Variants in EYS observed in about 807,000 individuals in gnomAD.
EYS encodes protein eyes shut homolog.
A neutral mutation model predicts 282.1 loss-of-function variants in EYS; 250 were observed. The observed-to-expected ratio is 0.89, with a 90% CI of 0.80 to 0.98. The LOEUF is 0.98. Ranked by LOEUF, EYS falls within the 50% of genes least tolerant of loss-of-function variation. The probability of loss-of-function intolerance (pLI) is 0.00; values close to 1 mark genes in which losing one functional copy is unlikely to be tolerated. For missense variants in EYS, 4,016 were observed against 3,709.0 expected, an observed-to-expected ratio of 1.08 and a Z score of -2.15; for synonymous variants, 1,355 against 1,282.9, an observed-to-expected ratio of 1.06 and a Z score of -1.20.
chr6:64,428,495 G>T (rs1245175343), intron 28 of EYS, among the ~76,000 whole-genome samples: 1 of 151,990 alleles, frequency 6.6e-6, no homozygotes, highest in South Asian at 2.1e-4. Flanking sequence ...CTCTTATCAG[G>T]TTAGAGTAAA....
chr6:65,266,896 A>AT (rs1026599320), intron 12 of EYS, among the ~76,000 whole-genome samples: 50 of 149,926 alleles, frequency 3.3e-4, no homozygotes, highest in Admixed American at 1.5e-3. Context: ...GCATATATAT[A>AT]TATATATATA....
At chr6:64,343,107 G>A (rs921341436) in intron 29 of EYS, among the ~76,000 whole-genome samples, 15 of 151,986 alleles carry the variant, frequency 9.9e-5, no homozygotes, top group African/African-American at 3.4e-4. Context: ...AATAATAATG[G>A]GAGACTTTAA....
intron 13 of EYS, among the ~76,000 whole-genome samples, chr6:65,027,157 A>G: frequency 6.6e-6 from 1 of 152,108 alleles, no homozygotes; most frequent in East Asian, 1.9e-4. Flanking sequence ...TTTACCCCAA[A>G]GAGTATGATG....
At chr6:65,624,264 C>T (rs1369980252) in intron 2 of EYS, among the ~76,000 whole-genome samples, 1 of 152,216 alleles carries the variant, frequency 6.6e-6, no homozygotes, top group Admixed American at 6.5e-5. Flanking sequence ...TTTAAAATGA[C>T]TTAGTATTGG....
chr6:64,221,061 G>C (rs905210443), intron 31 of EYS, among the ~76,000 whole-genome samples: 1 of 152,108 alleles, frequency 6.6e-6, no homozygotes. Flanking sequence ...ATTATCACTT[G>C]ATTCACAGAA....
intron 12 of EYS, among the ~76,000 whole-genome samples, chr6:65,084,566 G>A (rs760594002): frequency 3.9e-5 from 6 of 152,048 alleles, no homozygotes; most frequent in Non-Finnish European, 1.5e-5. Flanking sequence ...CTTCTTCACT[G>A]TCGTGTATCC....
intron 24 of EYS, among the ~76,000 whole-genome samples, chr6:64,598,005 T>G (rs1766641760): frequency 1.3e-5 from 2 of 152,178 alleles, no homozygotes; most frequent in Non-Finnish European, 2.9e-5. Flanking sequence ...CATAAATATG[T>G]ACAATTAATA....
At chr6:64,214,452 T>A (rs1338907715) in intron 31 of EYS, among the ~76,000 whole-genome samples, 1 of 152,102 alleles carries the variant, frequency 6.6e-6, no homozygotes, top group Non-Finnish European at 1.5e-5. Flanking sequence ...ATTTCATTAA[T>A]GGTTTTGTGG....
chr6:64,753,515 A>AG (rs1209498310), intron 22 of EYS, among the ~76,000 whole-genome samples: 2 of 150,964 alleles, frequency 1.3e-5, no homozygotes, highest in Non-Finnish European at 3.0e-5. Context: ...AAAAAAAAAA[A>AG]GACAAAAGAG....
chr6:64,036,266 T>C (rs1048989626), intron 33 of EYS, among the ~76,000 whole-genome samples: 1 of 151,966 alleles, frequency 6.6e-6, no homozygotes. Flanking sequence ...TTAAGGGTGA[T>C]GGAGTTTGGG....
Position 65,622,156 on chromosome 6 carries a change from C to G in EYS, c.-333+17622G>C, listed in dbSNP as rs376261675. On this transcript the variant is annotated intron_variant, in intron 2 of 42. Coordinates refer to ENST00000503581, the MANE Select transcript of EYS (RefSeq NM_001142800.2). ...TCGTTTGTCCTTCTCAGCTGATTCT[C>G]TCTGGGGCTCACTCTTCTCCCCAGT... Among the ~76,000 whole-genome samples, 247 of 152,266 alleles carry G rather than the reference C, an allele frequency of 1.6e-3. 1 individual carries two copies. Among genetic ancestry groups the G allele is most frequent in the African/African-American group, 5.7e-3 (236 of 41,562 alleles).
At chr6:63,989,805 T>C (rs971691038) in intron 34 of EYS, among the ~76,000 whole-genome samples, 1 of 151,502 alleles carries the variant, frequency 6.6e-6, no homozygotes, top group African/African-American at 2.4e-5. Context: ...AGAATAAATG[T>C]TATATTATTA....
At chr6:64,280,455 C>T (rs1040279194) in intron 30 of EYS, among the ~76,000 whole-genome samples, 1 of 151,946 alleles carries the variant, frequency 6.6e-6, no homozygotes, top group Non-Finnish European at 1.5e-5. Flanking sequence ...TGCTTAAGGC[C>T]GTTTGAGTCA....
intron 42 of EYS, among the ~76,000 whole-genome samples, chr6:63,722,132 C>T (rs1331225460): frequency 1.3e-5 from 2 of 152,162 alleles, no homozygotes; most frequent in Non-Finnish European, 2.9e-5. Context: ...TATTGTCAGG[C>T]TAGGTACCTA....
At chr6:64,003,686 C>T (rs1768203372) in intron 33 of EYS, among the ~76,000 whole-genome samples, 1 of 152,208 alleles carries the variant, frequency 6.6e-6, no homozygotes, top group Non-Finnish European at 1.5e-5. Flanking sequence ...TATGGTTTGG[C>T]TGTGTTTCCA....
rs1766478695 is a variant in EYS at position 64,593,594 on chromosome 6, C to T, written c.3685-285G>A. 4.0e-5 allele frequency among the ~76,000 whole-genome samples: 6 copies of T among 151,666 alleles called. 1 individual carries two copies. Among genetic ancestry groups the T allele is most frequent in the Admixed American group, 3.3e-4 (5 of 15,214 alleles). On this transcript the variant is annotated intron_variant, in intron 24 of 42. Coordinates refer to ENST00000503581, the MANE Select transcript of EYS (RefSeq NM_001142800.2). ...TTTTACTTTTGAGAATATAGTTTTC[C>T]AATGAAGAATTTGTACTGTATGGTA...
chr6:65,609,851 ACATAT>A (rs1294960866), intron 2 of EYS, among the ~76,000 whole-genome samples: 1 of 152,156 alleles, frequency 6.6e-6, no homozygotes, highest in Non-Finnish European at 1.5e-5. Flanking sequence ...TATATAGGCC[ACATAT>A]CATGTGTCTA....
chr6:64,909,021 G>C (rs1767912909), intron 16 of EYS, among the ~76,000 whole-genome samples: 1 of 152,102 alleles, frequency 6.6e-6, no homozygotes. Flanking sequence ...ACCCTTATCT[G>C]TCTAGGCATT....
intron 8 of EYS, among the ~76,000 whole-genome samples, chr6:65,373,185 A>G (rs990690769): frequency 3.3e-5 from 5 of 152,128 alleles, no homozygotes; most frequent in Admixed American, 3.3e-4. Flanking sequence ...TGTGAATTCC[A>G]AATCCATTCT....
Sources: allele counts gnomAD v4.1 joint callset (sites outside exome capture counted in the v4.1 genomes callset), GRCh38; gene constraint gnomAD v4.1.1; transcripts MANE v1.5; gene names NCBI Gene and HGNC (gene_info 2026-07-23, HGNC 2026-07-21).